SATL1: variants seen among roughly 807,000 people sequenced by gnomAD.
SATL1 encodes the protein spermidine/spermine N1-acetyl transferase like 1, also known as spermidine/spermine N(1)-acetyltransferase-like protein 1.
In SATL1, 47 loss-of-function variants were observed where a neutral mutation model predicts 51.8. The observed-to-expected ratio is 0.91, with a 90% CI of 0.72 to 1.16. SATL1 has a LOEUF of 1.16. Among genes scored for constraint, SATL1 ranks in the 50% most tolerant of loss-of-function variants. The pLI is 0.00. For missense variants in SATL1, 520 were observed against 526.4 expected (o/e 0.99, Z 0.12); for synonymous variants, 176 against 182.4 (o/e 0.97, Z 0.28).
chrX:85,231,988 A>C (rs1156917911), intron 1 of SATL1, among the ~76,000 whole-genome samples: 4 of 108,067 alleles, frequency 3.7e-5, no homozygotes, highest in Non-Finnish European at 1.9e-5. Flanking sequence ...CCACTCCCTC[A>C]ACTCCAGGCA....
intron 2 of SATL1, among the ~76,000 whole-genome samples, chrX:85,184,994 G>A (rs1310568601): frequency 8.9e-6 from 1 of 111,980 alleles, no homozygotes; most frequent in Non-Finnish European, 1.9e-5. Flanking sequence ...GGTATTTGAA[G>A]GGACTTAGAT....
chrX:85,137,426 C>T (rs1354965165), intron 2 of SATL1, among the ~76,000 whole-genome samples: 2 of 111,091 alleles, frequency 1.8e-5, no homozygotes, highest in Non-Finnish European at 3.8e-5. Flanking sequence ...GGAAATTCTA[C>T]AACTTTATCT....
At chrX:85,238,497 A>G (rs1203630629) in intron 1 of SATL1, among the ~76,000 whole-genome samples, 1 of 111,455 alleles carries the variant, frequency 9.0e-6, no homozygotes, top group Non-Finnish European at 1.9e-5. Flanking sequence ...TATTTGTTGG[A>G]GCTAAAAATT....
intron 2 of SATL1, among the ~76,000 whole-genome samples, chrX:85,208,049 C>T (rs1027225874): frequency 9.1e-6 from 1 of 110,396 alleles, no homozygotes; most frequent in Non-Finnish European, 1.9e-5. Flanking sequence ...CTATCCCTCC[C>T]CCAGCTTCCA....
chrX:85,211,314 T>C (rs901041138), intron 2 of SATL1: 1 of 61,482 alleles, frequency 1.6e-5, no homozygotes, highest in African/African-American at 6.2e-5. Flanking sequence ...GTAGATCTTG[T>C]TTGGATCCAA....
chrX:85,222,402 G>A (rs946049867), intron 2 of SATL1, among the ~76,000 whole-genome samples: 19 of 111,840 alleles, frequency 1.7e-4, no homozygotes, highest in African/African-American at 4.9e-4. Flanking sequence ...GGTTTCTTCC[G>A]TAGGTGCTCT....
chrX:85,181,010 T>C (rs1180006091), intron 2 of SATL1, among the ~76,000 whole-genome samples: 1 of 109,607 alleles, frequency 9.1e-6, no homozygotes, highest in African/African-American at 3.3e-5. Flanking sequence ...CTGGCCAAGA[T>C]TATAAAAATC....
chrX:85,092,606 T>C lies in SATL1; in HGVS notation c.1918-45A>G, dbSNP rs745633237. The C allele has an allele frequency of 4.3e-5, 47 of 1,082,818 alleles. No individual in the cohort carries two copies. The Admixed American group carries it at 1.1e-3, about 25-fold the overall frequency. The allele number at this position is 1,082,818 out of a possible 1,213,427, so 89.2% of individuals were successfully genotyped here. Reference sequence around the variant, plus strand: ...CAAATATTACTTTCATTTGAAAGTATAATCTTCGTTAACACATATATTTTA... The same window carrying C: ...CAAATATTACTTTCATTTGAAAGTACAATCTTCGTTAACACATATATTTTA... On this transcript the variant is annotated intron_variant, in intron 7 of 7. Coordinates refer to ENST00000644105, the MANE Select transcript of SATL1 (RefSeq NM_001367857.2).
intron 3 of SATL1, among the ~76,000 whole-genome samples, chrX:85,105,577 G>C (rs1275321756): frequency 9.0e-6 from 1 of 111,702 alleles, no homozygotes; most frequent in East Asian, 2.8e-4. Flanking sequence ...GCAATGAAAT[G>C]ACTAGGCTCC....
chrX:85,113,516 T>C (rs1925308107), intron 2 of SATL1, among the ~76,000 whole-genome samples: 1 of 111,243 alleles, frequency 9.0e-6, no homozygotes. Context: ...AAAAGCAGGG[T>C]TAGTCTACAT....
At chrX:85,147,664 C>T (rs932569685) in intron 2 of SATL1, among the ~76,000 whole-genome samples, 20 of 111,606 alleles carry the variant, frequency 1.8e-4, no homozygotes, top group East Asian at 2.8e-4. Context: ...TCGCGATTCA[C>T]GAAAATCTGC....
chrX:85,127,169 C>T (rs938168998), intron 2 of SATL1, among the ~76,000 whole-genome samples: 4 of 110,641 alleles, frequency 3.6e-5, no homozygotes, highest in African/African-American at 1.3e-4. Context: ...CTATTCCCTA[C>T]TCAATATTTT....
At chrX:85,094,780 G>T in intron 5 of SATL1, 136 bp downstream of exon 5, 1 of 441,779 alleles carries the variant, frequency 2.3e-6, no homozygotes, top group Non-Finnish European at 4.0e-6. Context: ...TACATACCAT[G>T]CATTTTCTTT....
At chrX:85,201,917 A>G (rs373372560) in intron 2 of SATL1, among the ~76,000 whole-genome samples, 22 of 112,317 alleles carry the variant, frequency 2.0e-4, no homozygotes, top group African/African-American at 6.8e-4. Context: ...CAGTGCTGCA[A>G]TGAACATTTA....
intron 2 of SATL1, among the ~76,000 whole-genome samples, chrX:85,201,847 C>A (rs1927693129): frequency 8.9e-6 from 1 of 112,346 alleles, no homozygotes; most frequent in Non-Finnish European, 1.9e-5. Context: ...ACCACATTTT[C>A]TTTATCCAGT....
chrX:85,161,235 A>G (rs1456458185), intron 2 of SATL1, among the ~76,000 whole-genome samples: 1 of 111,524 alleles, frequency 9.0e-6, no homozygotes, highest in Non-Finnish European at 1.9e-5. Flanking sequence ...TGACACTATA[A>G]AGGAACCACA....
In SATL1 at chrX:85,228,463, A is replaced by G. The variant is rs772797999; in HGVS notation, c.-434-4137T>C. On this transcript the variant is annotated intron_variant, in intron 1 of 7. Coordinates refer to ENST00000644105, the MANE Select transcript of SATL1 (RefSeq NM_001367857.2). ...TGTAGCCCCCTCTAGCTATTGCCCA[A>G]TTTCTCTGCCTCCTTTAGAAGAAAA... 3.6e-5 allele frequency among the ~76,000 whole-genome samples: 4 copies of G among 111,440 alleles called. No individual in the cohort carries two copies. In the South Asian group the frequency reaches 1.5e-3, roughly 41 times the overall value.
chrX:85,201,364 G>T (rs965810113), intron 2 of SATL1, among the ~76,000 whole-genome samples: 10 of 110,762 alleles, frequency 9.0e-5, no homozygotes, highest in Non-Finnish European at 1.9e-4. Flanking sequence ...GGCTTTTAAG[G>T]CCCAATTTTA....
rs190048620 is a variant in SATL1, at chrX:85,173,820, C to T, written c.-313+50385G>A. Among the ~76,000 whole-genome samples, 8 of 108,852 alleles carry T rather than the reference C, an allele frequency of 7.3e-5. No homozygotes were observed. The East Asian group carries it at 2.3e-3, about 32-fold the overall frequency. The allele number at this position is 108,852 out of a possible 115,157, so 94.5% of individuals were successfully genotyped here. ...TAAGTTCTAGGGTACATGTGTGCAA[C>T]GTGCAGGTTTGTTACATATGTATAC... On this transcript the variant is annotated intron_variant, in intron 2 of 7. Coordinates refer to ENST00000644105, the MANE Select transcript of SATL1 (RefSeq NM_001367857.2).
Sources: gnomAD v4.1 joint callset for allele counts (sites outside exome capture counted in the v4.1 genomes callset) on GRCh38, gnomAD v4.1.1 for gene constraint, MANE v1.5 for transcripts, NCBI Gene and HGNC (gene_info 2026-07-23, HGNC 2026-07-21) for gene names.